Variants in PPFIBP2 observed in about 807,000 individuals in gnomAD.
The protein encoded by PPFIBP2 is PPFIB scaffold protein 2, also known as liprin-beta-2.
PPFIBP2 carries 118 observed loss-of-function variants against 118.3 expected under a neutral mutation model. The ratio of observed to expected loss-of-function variants is 1.00; its 90% CI spans 0.86 to 1.16. PPFIBP2 has a LOEUF of 1.16. PPFIBP2 is among the 50% of genes most tolerant of loss of function. PPFIBP2 has a pLI of 0.00. For missense variants in PPFIBP2, 1,195 were observed against 1,073.1 expected, an observed-to-expected ratio of 1.11 and a Z score of -1.59; for synonymous variants, 414 against 397.4, an observed-to-expected ratio of 1.04 and a Z score of -0.50.
intron 1 of PPFIBP2, 40 bp from the exon 2 acceptor site, chr11:7,549,400 T>A: frequency 6.6e-7 from 1 of 1,522,516 alleles, no homozygotes; most frequent in Admixed American, 2.0e-5. Context: ...AACATGGAAC[T>A]CTCTGTAATT....
intron 1 of PPFIBP2, among the ~76,000 whole-genome samples, chr11:7,540,784 G>A (rs10839801): frequency 0.3 from 45,045 of 152,076 alleles, 7,064 homozygotes; most frequent in Non-Finnish European, 0.36. Context: ...AGATGATCAG[G>A]GAGATCCCAT....
At chr11:7,569,867 T>G (rs1330518877) in intron 3 of PPFIBP2, among the ~76,000 whole-genome samples, 3 of 152,194 alleles carry the variant, frequency 2.0e-5, no homozygotes, top group Admixed American at 2.0e-4. Flanking sequence ...CTCTGTTTAC[T>G]ATGGTGAAAT....
the PPFIBP2 span, chr11:7,665,972 G>T: frequency 2.0e-6 from 3 of 1,478,760 alleles, no homozygotes; most frequent in African/African-American, 1.4e-5. Context: ...CGGGAGCAGT[G>T]TGAGAGGCGC....
At chr11:7,665,982 C>CGCCTG in the PPFIBP2 span, 4 of 1,414,944 alleles carry the variant, frequency 2.8e-6, no homozygotes, top group African/African-American at 5.7e-5. Flanking sequence ...GTGAGAGGCG[C>CGCCTG]GCCTGTGGGG....
intron 17 of PPFIBP2, among the ~76,000 whole-genome samples, chr11:7,646,872 T>G (rs901145633): frequency 8.5e-5 from 13 of 152,254 alleles, no homozygotes; most frequent in African/African-American, 3.1e-4. Flanking sequence ...TGATTTTTTT[T>G]TCAGTTTTGC....
chr11:7,593,259 T>C (rs1859668112), intron 4 of PPFIBP2, 35 bp downstream of exon 4: 3 of 1,609,282 alleles, frequency 1.9e-6, no homozygotes, highest in Non-Finnish European at 2.5e-6. Flanking sequence ...GCTTATCCTG[T>C]TACCTCCTAC....
chr11:7,588,268 A>T (rs890247588), intron 3 of PPFIBP2, among the ~76,000 whole-genome samples: 1 of 152,024 alleles, frequency 6.6e-6, no homozygotes, highest in African/African-American at 2.4e-5. Context: ...TTATGTGGGG[A>T]CTTAACTATC....
At chr11:7,529,430 G>A (rs1038590871) in intron 1 of PPFIBP2, among the ~76,000 whole-genome samples, 1 of 152,158 alleles carries the variant, frequency 6.6e-6, no homozygotes, top group African/African-American at 2.4e-5. Flanking sequence ...TTGCCTGTCT[G>A]GCTATCGGTG....
intron 1 of PPFIBP2, among the ~76,000 whole-genome samples, chr11:7,549,108 T>C (rs1202494515): frequency 6.6e-6 from 1 of 152,194 alleles, no homozygotes; most frequent in Non-Finnish European, 1.5e-5. Context: ...AGTGGCGCCT[T>C]TCACAGTGGG....
chr11:7,559,618 T>G (rs1854066629), intron 2 of PPFIBP2, among the ~76,000 whole-genome samples: 1 of 152,144 alleles, frequency 6.6e-6, no homozygotes, highest in Non-Finnish European at 1.5e-5. Context: ...TGTGTGGTAT[T>G]ATAAACACCT....
chr11:7,632,756 A>G lies in PPFIBP2; in HGVS notation c.1069-111A>G, dbSNP rs1850941088. 3 of 804,242 alleles carry G rather than the reference A, an allele frequency of 3.7e-6. No homozygotes were observed. The African/African-American group carries it at 5.0e-5, about 13-fold the overall frequency. The allele number at this position is 804,242 out of a possible 1,614,324, so 49.8% of individuals were successfully genotyped here. A position where few individuals can be genotyped will look rare whatever the true frequency, so the allele number is the denominator to read the frequency against. On this transcript the variant is annotated intron_variant, in intron 11 of 23. Transcript: ENST00000299492. ...ATAATGATGTATCCACCATGGCTGCACCCAGGGAGGAAATGTCTCCCTAAA... is the reference window on the plus strand; with the variant it reads ...ATAATGATGTATCCACCATGGCTGCGCCCAGGGAGGAAATGTCTCCCTAAA...
At chr11:7,644,823 C>T (rs11605594) in intron 17 of PPFIBP2, among the ~76,000 whole-genome samples, 2,300 of 151,416 alleles carry the variant, frequency 0.015, 23 homozygotes, top group Middle Eastern at 0.024. Flanking sequence ...GTCAGGAGAT[C>T]GAGACCATCC....
At chr11:7,563,784 G>T (rs1427194799) in intron 2 of PPFIBP2, among the ~76,000 whole-genome samples, 1 of 152,190 alleles carries the variant, frequency 6.6e-6, no homozygotes, top group Non-Finnish European at 1.5e-5. Flanking sequence ...TTGTTAGACT[G>T]TTGCCCCAGT....
At chr11:7,620,414 C>G (rs1849205611) in intron 6 of PPFIBP2, among the ~76,000 whole-genome samples, 1 of 152,156 alleles carries the variant, frequency 6.6e-6, no homozygotes, top group African/African-American at 2.4e-5. Context: ...AACTGGAACA[C>G]CCATTTTGGC....
At chr11:7,514,742 A>G (rs1364626121) in intron 1 of PPFIBP2, among the ~76,000 whole-genome samples, 3 of 152,246 alleles carry the variant, frequency 2.0e-5, no homozygotes, top group African/African-American at 4.8e-5. Flanking sequence ...CCAGACCCGC[A>G]GTTTTTCCTC....
chr11:7,598,679 T>G (rs1860842015), intron 5 of PPFIBP2, among the ~76,000 whole-genome samples: 1 of 152,200 alleles, frequency 6.6e-6, no homozygotes, highest in Admixed American at 6.5e-5. Context: ...AGTTTGTTCC[T>G]TAAAATGAGT....
downstream of PPFIBP2, among the ~76,000 whole-genome samples, chr11:7,661,961 G>T (rs1854898253): frequency 7.7e-6 from 1 of 130,236 alleles, no homozygotes; most frequent in African/African-American, 2.9e-5. Flanking sequence ...CAGAGACTAG[G>T]GTTGCAACCC....
intron 21 of PPFIBP2, among the ~76,000 whole-genome samples, chr11:7,650,456 T>C (rs1192492323): frequency 4.6e-5 from 7 of 152,214 alleles, no homozygotes; most frequent in Admixed American, 3.3e-4. Context: ...CCTAAAATCA[T>C]TGGCCACACC....
At chr11:7,528,055 T>C (rs1850379653) in intron 1 of PPFIBP2, among the ~76,000 whole-genome samples, 2 of 152,140 alleles carry the variant, frequency 1.3e-5, no homozygotes. Flanking sequence ...CAAAATAAAA[T>C]TGATGTCCAG....
Sources: allele counts gnomAD v4.1 joint callset (sites outside exome capture counted in the v4.1 genomes callset), GRCh38; gene constraint gnomAD v4.1.1; transcripts MANE v1.5; gene names NCBI Gene and HGNC (gene_info 2026-07-23, HGNC 2026-07-21).